Variants in WDR1 observed in about 807,000 individuals in gnomAD.
The protein encoded by WDR1 is WD repeat domain 1.
WDR1 carries 21 observed loss-of-function variants against 71.9 expected under a neutral mutation model. The observed-to-expected ratio is 0.29, with a 90% CI of 0.21 to 0.42. The LOEUF (loss-of-function observed/expected upper bound fraction) is 0.42. Among genes scored for constraint, WDR1 ranks in the 10% least tolerant of loss-of-function variants. WDR1 has a pLI of 1.00. For synonymous variants in WDR1, 424 were observed against 347.4 expected (o/e 1.22, Z -2.45); for missense variants, 696 against 824.5 (o/e 0.84, Z 1.91).
At chr4:10,103,789 A>ACCC in intron 3 of WDR1, 107 bp downstream of exon 3, 1 of 73,070 alleles carries the variant, frequency 1.4e-5, no homozygotes. Context: ...CCCACCCCCC[A>ACCC]CCTCCCTCCT....
chr4:10,115,990 G>A, intron 2 of WDR1, 123 bp downstream of exon 2: 1 of 1,353,002 alleles, frequency 7.4e-7, no homozygotes, highest in Non-Finnish European at 1.0e-6. Flanking sequence ...CCGGTAGAGG[G>A]GGCGTGGCGC....
chr4:10,081,668 G>C (rs1470986459), intron 10 of WDR1, among the ~76,000 whole-genome samples: 1 of 136,156 alleles, frequency 7.3e-6, no homozygotes, highest in East Asian at 2.5e-4. Context: ...AGGGGTGGGG[G>C]GGGGGGAAGG....
intron 2 of WDR1, among the ~76,000 whole-genome samples, chr4:10,107,699 G>A (rs1219047564): frequency 1.3e-5 from 2 of 152,204 alleles, no homozygotes; most frequent in Non-Finnish European, 2.9e-5. Context: ...ATAAGACCTC[G>A]AGACAAGCCC....
Position 10,088,670 on chromosome 4 carries a change from G to A in WDR1, c.630C>T (p.Asp210=), listed in dbSNP as rs375499807. ...AACCCATCCCAGTTCTTACCTGGCC[G>A]TCAGCACTGGCTGTGGCAAATCTGT... ...DGNRFATASA[D]GQIYIYDGKT... is the part of the protein sequence containing the mutation. The change falls in exon 6 of 15, where the codon GAC becomes GAT. Residue 210 remains aspartate, a synonymous_variant. Coordinates refer to ENST00000499869, the MANE Select transcript of WDR1 (RefSeq NM_017491.5). 33 of 1,605,034 alleles carry A rather than the reference G, an allele frequency of 2.1e-5. No homozygotes were observed. Among genetic ancestry groups the A allele is most frequent in the South Asian group, 3.4e-5 (3 of 88,892 alleles).
intron 6 of WDR1, 96 bp downstream of exon 6, chr4:10,088,568 A>G (rs576095121): frequency 7.8e-5 from 94 of 1,206,898 alleles, no homozygotes; most frequent in Non-Finnish European, 1.1e-4. Context: ...TAAGTTCTGC[A>G]TGTCAGGACT....
chr4:10,083,423 T>A (rs1372903270), intron 9 of WDR1, among the ~76,000 whole-genome samples: 3 of 152,184 alleles, frequency 2.0e-5, no homozygotes, highest in Non-Finnish European at 4.4e-5. Flanking sequence ...GAAGGCCTAC[T>A]GGGGACCAGC....
In WDR1 at chr4:10,078,926, G is replaced by A. The variant is rs1764903817; in HGVS notation, c.1360C>T (p.His454Tyr). ...ATTGCCACCGTGTCCCCGCCGGGGT[G>A]CACTGCCACAACTTCGGGCTCGTAG... The part of the protein sequence containing the change: ...PGYEPEVVAV[H>Y]PGGDTVAIGG... Residue 454 changes from histidine to tyrosine, a missense_variant, in exon 12 of 15, where the codon CAC becomes TAC. Coordinates refer to ENST00000499869, the MANE Select transcript of WDR1 (RefSeq NM_017491.5). The A allele has an allele frequency of 1.2e-6, 2 of 1,612,804 alleles. No individual in the cohort carries two copies. The highest frequency in any genetic ancestry group is 2.2e-5 in the South Asian group (2 of 90,936).
At chr4:10,079,532 G>A (rs1411028759) in intron 11 of WDR1, among the ~76,000 whole-genome samples, 3 of 152,202 alleles carry the variant, frequency 2.0e-5, no homozygotes, top group Non-Finnish European at 4.4e-5. Flanking sequence ...CTCGGCACCC[G>A]CACTGGGCCT....
chr4:10,088,307 C>T lies in WDR1; in HGVS notation c.703G>A (p.Gly235Ser), dbSNP rs1344082220. ...CTCATACTCACTGCGTAAATCCCAC[C>T]GTCGTGGGCCTTGCTTCCGCCCAGC... ...CALGGSKAHD[G>S]GIYAISWSPD... Residue 235 changes from glycine to serine, a missense_variant, in exon 7 of 15, where the codon GGT becomes AGT. By Grantham distance (56) the Gly-to-Ser change is moderately conservative (BLOSUM62 0). Coordinates refer to ENST00000499869, the MANE Select transcript of WDR1 (RefSeq NM_017491.5). The T allele has an allele frequency of 6.4e-7, 1 of 1,554,966 alleles. No homozygotes were observed. The highest frequency in any genetic ancestry group is 8.7e-7 in the Non-Finnish European group (1 of 1,148,912).
chr4:10,085,680 A>G (rs1221196150), intron 8 of WDR1, among the ~76,000 whole-genome samples: 1 of 152,218 alleles, frequency 6.6e-6, no homozygotes, highest in African/African-American at 2.4e-5. Context: ...TTCCTTCTGG[A>G]GGCCTGCAAG....
At chr4:10,110,935 C>A (rs1713311631) in intron 2 of WDR1, among the ~76,000 whole-genome samples, 1 of 152,208 alleles carries the variant, frequency 6.6e-6, no homozygotes, top group South Asian at 2.1e-4. Flanking sequence ...TGATTTTAAT[C>A]CTGGTCCTCT....
chr4:10,086,271 T>C (rs557689362), intron 8 of WDR1, among the ~76,000 whole-genome samples: 4 of 152,342 alleles, frequency 2.6e-5, no homozygotes, highest in Non-Finnish European at 5.9e-5. Context: ...TTCCTTTTTA[T>C]ACTCATCACC....
chr4:10,086,298 G>A (rs546511324), intron 8 of WDR1, among the ~76,000 whole-genome samples: 1 of 152,298 alleles, frequency 6.6e-6, no homozygotes, highest in Admixed American at 6.5e-5. Context: ...TGTGAGCCCA[G>A]CAAGGAGGCG....
chr4:10,097,941 T>C (rs1310824298), intron 4 of WDR1, 50 bp from the exon 5 acceptor site: 1 of 1,300,084 alleles, frequency 7.7e-7, no homozygotes. Context: ...AAAAAATCAA[T>C]CCCAGAAGGC....
intron 5 of WDR1, chr4:10,093,238 C>G: frequency 1.0e-6 from 1 of 983,026 alleles, no homozygotes; most frequent in Non-Finnish European, 1.4e-6. Flanking sequence ...ACCCTGTACA[C>G]AAGAGGACCA....
Position 10,075,406 on chromosome 4 carries a change from G to A in WDR1, c.1793C>T (p.Ser598Phe). 1 of 1,614,028 alleles carries A rather than the reference G, an allele frequency of 6.2e-7. No individual in the cohort carries two copies. Among genetic ancestry groups the A allele is most frequent in the Admixed American group, 1.7e-5 (1 of 60,014 alleles). Residue 598 changes from serine to phenylalanine, a missense_variant, in exon 15 of 15, where the codon TCT (serine) becomes TTT (phenylalanine). Ser to Phe is a radical substitution (Grantham distance 155). Transcript: ENST00000499869. ...HTLVTTSHDASVKEWTITY is the reference protein window; with the variant it reads ...HTLVTTSHDAFVKEWTITY ...GTAGGTGATTGTCCACTCCTTGACA[G>A]AGGCATCATGGGAGGTCGTGACCAG...
chr4:10,107,001 G>A (rs1713061008), intron 2 of WDR1, among the ~76,000 whole-genome samples: 1 of 152,140 alleles, frequency 6.6e-6, no homozygotes. Context: ...CCATCTTGGG[G>A]AAGAAGAATG....
At chr4:10,092,704 C>A (rs1025000430) in intron 5 of WDR1, 1 of 275,742 alleles carries the variant, frequency 3.6e-6, no homozygotes, top group African/African-American at 2.2e-5. Flanking sequence ...GCGAAAAGCC[C>A]ATTAACCAAA....
chr4:10,116,045 G>A lies in WDR1; in HGVS notation c.138+68C>T, dbSNP rs1055664916. 1.2e-5 allele frequency: 19 copies of A among 1,567,562 alleles called. No individual in the cohort carries two copies. In the African/African-American group the frequency reaches 2.2e-4, roughly 18 times the overall value. On this transcript the variant is annotated intron_variant, in intron 2 of 14. Transcript: ENST00000499869. Reference sequence around the variant, plus strand: ...ATGGGCAGGAGGTGAGAAGTGGAGAGGAAGGCGAATTATCCCATCCCAAGG... The same window carrying A: ...ATGGGCAGGAGGTGAGAAGTGGAGAAGAAGGCGAATTATCCCATCCCAAGG...
Sources: allele counts gnomAD v4.1 joint callset (sites outside exome capture counted in the v4.1 genomes callset), GRCh38; gene constraint gnomAD v4.1.1; transcripts MANE v1.5; gene names NCBI Gene and HGNC (gene_info 2026-07-23, HGNC 2026-07-21).